EIF2B4: variants seen among roughly 807,000 people sequenced by gnomAD.
EIF2B4 encodes translation initiation factor eIF2B subunit delta.
EIF2B4 carries 34 observed loss-of-function variants against 66.7 expected under a neutral mutation model. The observed-to-expected ratio is 0.51, with a 90% confidence interval of 0.39 to 0.68. EIF2B4 has a LOEUF of 0.68. Ranked by LOEUF, EIF2B4 falls within the 30% of genes least tolerant of loss-of-function variation. The probability of loss-of-function intolerance (pLI) is 0.00; values close to 1 mark genes in which losing one functional copy is unlikely to be tolerated. For missense variants in EIF2B4, 618 were observed against 657.9 expected, an observed-to-expected ratio of 0.94 and a Z score of 0.66; for synonymous variants, 278 against 253.6, an observed-to-expected ratio of 1.10 and a Z score of -0.92.
chr2:27,364,399 G>T lies in EIF2B4; in HGVS notation c.*1C>A. ...CATTTATTAACCCTGTGTTTCCCCC[G>T]TCACTGGTCACTGCTCTTGACTCGT... On this transcript the variant is annotated 3_prime_UTR_variant, in exon 13 of 13. Coordinates refer to ENST00000347454, the MANE Select transcript of EIF2B4 (RefSeq NM_001034116.2). The T allele has an allele frequency of 6.2e-7, 1 of 1,613,836 alleles. No individual in the cohort carries two copies. The highest frequency in any genetic ancestry group is 1.7e-4 in the Middle Eastern group (1 of 6,058).
Position 27,369,138 on chromosome 2 carries a change from T to A in EIF2B4, c.286A>T (p.Ser96Cys). The A allele has an allele frequency of 6.2e-7, 1 of 1,613,778 alleles. No individual in the cohort carries two copies. The highest frequency in any genetic ancestry group is 2.2e-5 in the East Asian group (1 of 44,872). ...CGCTCAGCCCGAAGTTCGGCCTTAC[T>A]CCGACCAGCTGGAACTTTCTCCCGA... ...TPREKVPAGR[S>C]KAELRAERRA... Residue 96 changes from serine to cysteine, a missense_variant, in exon 4 of 13, where the codon AGT becomes TGT. Ser to Cys is a moderately radical substitution (Grantham distance 112). Coordinates refer to ENST00000347454, the MANE Select transcript of EIF2B4 (RefSeq NM_001034116.2).
chr2:27,368,588 C>T (rs751135430), intron 5 of EIF2B4, 66 bp downstream of exon 5: 10 of 1,598,716 alleles, frequency 6.3e-6, no homozygotes, highest in South Asian at 1.1e-5. Flanking sequence ...TTGCACCCAG[C>T]ACCTTTCCTC....
chr2:27,365,346 G>A (rs1016622431), intron 11 of EIF2B4, among the ~76,000 whole-genome samples: 2 of 149,134 alleles, frequency 1.3e-5, no homozygotes, highest in Admixed American at 6.8e-5. Flanking sequence ...GATAACAGGC[G>A]TGAGCCACTG....
chr2:27,370,134 G>A, intron 1 of EIF2B4, 150 bp downstream of exon 1: 1 of 1,527,008 alleles, frequency 6.5e-7, no homozygotes, highest in East Asian at 2.5e-5. Flanking sequence ...CCGGTGCGCG[G>A]CGCGGGACTG....
chr2:27,366,955 AG>A lies in EIF2B4; in HGVS notation c.1014-20del, dbSNP rs766010614. ...AGATGAGCTAGAGTGAATGAAGAGG[AG>A]GATTCAGTTATAAATGTCAGTAACT... On this transcript the variant is annotated intron_variant, in intron 10 of 12. Transcript: ENST00000347454. 85 of 1,614,192 alleles carry A rather than the reference AG, an allele frequency of 5.3e-5. No homozygotes were observed. The African/African-American group carries it at 1.1e-3, about 20-fold the overall frequency.
chr2:27,370,134 G>T, intron 1 of EIF2B4, 150 bp downstream of exon 1: 2 of 1,527,008 alleles, frequency 1.3e-6, no homozygotes, highest in Non-Finnish European at 1.8e-6. Flanking sequence ...CCGGTGCGCG[G>T]CGCGGGACTG....
At position 27,366,837 on chromosome 2, in the gene EIF2B4, G is replaced by C; in HGVS notation, c.1113C>G (p.His371Gln). ...CAGCATGGACTAGAGAACGTAGTGT[G>C]TGCCTTCCTTCCAGCCATGGCCGGC... ...VDSRPWLEGR[H>Q]TLRSLVHAGV... The change falls in exon 11 of 13, where the codon CAC (histidine) becomes CAG (glutamine). Residue 371 changes from histidine (H) to glutamine (Q), a missense_variant. By Grantham distance (24) the His-to-Gln change is conservative. Around this residue, in one of 4 missense-constraint regions of EIF2B4, gnomAD observed 506 missense variants for 511.9 expected, o/e 0.99. Transcript: ENST00000347454. 6.2e-7 allele frequency: 1 copy of C among 1,614,228 alleles called. No individual in the cohort carries two copies. The highest frequency in any genetic ancestry group is 8.5e-7 in the Non-Finnish European group (1 of 1,180,032).
intron 8 of EIF2B4, 89 bp from the exon 9 acceptor site, chr2:27,367,648 A>G: frequency 6.3e-7 from 1 of 1,593,402 alleles, no homozygotes; most frequent in Non-Finnish European, 8.6e-7. Flanking sequence ...TTAAAAAGAA[A>G]ATAGAACACA....
chr2:27,369,682 G>C (rs2148381815), intron 2 of EIF2B4, 133 bp from the exon 3 acceptor site: 1 of 1,530,656 alleles, frequency 6.5e-7, no homozygotes, highest in South Asian at 1.1e-5. Flanking sequence ...CCTGTTGCAA[G>C]CTTACATCCA....
At chr2:27,367,662 TGAAAA>T (rs1488247594) in intron 8 of EIF2B4, 79 bp downstream of exon 8, 4 of 1,587,616 alleles carry the variant, frequency 2.5e-6, no homozygotes, top group Admixed American at 1.7e-5. Flanking sequence ...GAACACAAAA[TGAAAA>T]GAGAGATAGA....
In EIF2B4 at chr2:27,369,037, G is replaced by A; in HGVS notation, c.387C>T (p.Ala129=). ...KGEQGGPPPK[A]SPSTAGETPS... ...GGGTTTCTCCAGCTGTGCTGGGGCTGGCCTTAGGAGGTGGTCCTCCTTGTT... is the reference window on the plus strand; with the variant it reads ...GGGTTTCTCCAGCTGTGCTGGGGCTAGCCTTAGGAGGTGGTCCTCCTTGTT... The change falls in exon 4 of 13, where the codon GCC becomes GCT. Residue 129 remains alanine, a synonymous_variant. Coordinates refer to ENST00000347454, the MANE Select transcript of EIF2B4 (RefSeq NM_001034116.2). The A allele has an allele frequency of 6.2e-7, 1 of 1,614,144 alleles. No individual in the cohort carries two copies. Among genetic ancestry groups the A allele is most frequent in the Non-Finnish European group, 8.5e-7 (1 of 1,180,020 alleles).
At position 27,369,880 on chromosome 2, in the gene EIF2B4, G is replaced by A; in HGVS notation, c.71C>T (p.Pro24Leu). 2.5e-6 allele frequency: 4 copies of A among 1,582,050 alleles called. No individual in the cohort carries two copies. The highest frequency in any genetic ancestry group is 2.6e-6 in the Non-Finnish European group (3 of 1,164,378). ...TGGGAGGGAAGCCTCACTTACCCCAGGCCCAGGGGGAAGCTCCGCCTTCAT... is the reference window on the plus strand; with the variant it reads ...TGGGAGGGAAGCCTCACTTACCCCAAGCCCAGGGGGAAGCTCCGCCTTCAT... ...SGMKAELPPGPGAVGREMTKE... is the reference protein window; with the variant it reads ...SGMKAELPPGLGAVGREMTKE... Residue 24 changes from proline (P) to leucine (L), a missense_variant, in exon 2 of 13, where the codon CCT becomes CTT. Around this residue, in one of 4 missense-constraint regions of EIF2B4, gnomAD observed 506 missense variants for 511.9 expected, o/e 0.99. Coordinates refer to ENST00000347454, the MANE Select transcript of EIF2B4 (RefSeq NM_001034116.2).
chr2:27,368,197 C>T, intron 6 of EIF2B4, 58 bp from the exon 7 acceptor site: 1 of 1,432,618 alleles, frequency 7.0e-7, no homozygotes, highest in South Asian at 1.2e-5. Context: ...TACTGCCCAC[C>T]TGCCCCTGAT....
chr2:27,369,420 A>T lies in EIF2B4; in HGVS notation c.205T>A (p.Cys69Ser). Residue 69 changes from cysteine to serine, a missense_variant, in exon 3 of 13, where the codon TGT becomes AGT. Around this residue, in one of 4 missense-constraint regions of EIF2B4, gnomAD observed 506 missense variants for 511.9 expected, o/e 0.99. Coordinates refer to ENST00000347454, the MANE Select transcript of EIF2B4 (RefSeq NM_001034116.2). ...AAAGAGACCCCTCACTCACCTTGAC[A>T]TTGGGCTGCAGATACAGCAGAGCCA... The part of the protein sequence containing the change: ...ETGSAVSAAQ[C>S]QVGPTRELPE... 6.2e-7 allele frequency: 1 copy of T among 1,613,952 alleles called. No individual in the cohort carries two copies. Among genetic ancestry groups the T allele is most frequent in the Non-Finnish European group, 8.5e-7 (1 of 1,179,986 alleles).
At position 27,367,537 on chromosome 2, in the gene EIF2B4, G is replaced by A; in HGVS notation, c.805C>T (p.Leu269=). 1 of 1,614,046 alleles carries A rather than the reference G, an allele frequency of 6.2e-7. No homozygotes were observed. Among genetic ancestry groups the A allele is most frequent in the East Asian group, 2.2e-5 (1 of 44,884 alleles). The part of the protein sequence containing the change: ...YMSFLTQCRP[L]SASMHNAIKF... ...ATGGCGTTGTGCATGCTCGCTGACA[G>A]GGGACGGCACTGAGTCAGGAAGCTA... is the stretch of plus-strand genomic sequence containing the variant. Residue 269 remains leucine, a synonymous_variant, in exon 9 of 13, where the codon CTG becomes TTG. Coordinates refer to ENST00000347454, the MANE Select transcript of EIF2B4 (RefSeq NM_001034116.2).
Position 27,364,573 on chromosome 2 carries a change from G to A in EIF2B4, c.1399C>T (p.Arg467Trp), listed in dbSNP as rs138249238. Residue 467 changes from arginine to tryptophan, a missense_variant, in exon 13 of 13, where the codon CGG (arginine) becomes TGG (tryptophan). Physicochemically the swap from Arg to Trp is moderately radical, Grantham distance 101. This residue lies in a region of EIF2B4 where 63 missense variants were observed against 47.5 expected (regional missense o/e 1.33). Coordinates refer to ENST00000347454, the MANE Select transcript of EIF2B4 (RefSeq NM_001034116.2). Reference sequence around the variant, plus strand: ...TTAGCCAGCGCAACATGTTCTCCCCGCTTACATTGCAGATCATCAGGGTCA... The same window carrying A: ...TTAGCCAGCGCAACATGTTCTCCCCACTTACATTGCAGATCATCAGGGTCA... ...LDDPDDLQCK[R>W]GEHVALANWQ... 3.2e-5 allele frequency: 52 copies of A among 1,614,028 alleles called. No homozygotes were observed. The highest frequency in any genetic ancestry group is 3.1e-5 in the Non-Finnish European group (37 of 1,180,040).
chr2:27,364,570 C>T lies in EIF2B4; in HGVS notation c.1402G>A (p.Gly468Arg), dbSNP rs1681700760. 3 of 1,614,188 alleles carry T rather than the reference C, an allele frequency of 1.9e-6. No homozygotes were observed. Among genetic ancestry groups the T allele is most frequent in the South Asian group, 1.1e-5 (1 of 91,084 alleles). Residue 468 changes from glycine to arginine, a missense_variant, in exon 13 of 13, where the codon GGA (glycine) becomes AGA (arginine). Gly to Arg is a moderately radical substitution (Grantham distance 125). Around this residue, in one of 4 missense-constraint regions of EIF2B4, gnomAD observed 63 missense variants for 47.5 expected, o/e 1.33. Coordinates refer to ENST00000347454, the MANE Select transcript of EIF2B4 (RefSeq NM_001034116.2). Reference protein sequence around the residue: ...DDPDDLQCKRGEHVALANWQN... With the variant: ...DDPDDLQCKRREHVALANWQN... ...CAGTTAGCCAGCGCAACATGTTCTCCCCGCTTACATTGCAGATCATCAGGG... is the reference window on the plus strand; with the variant it reads ...CAGTTAGCCAGCGCAACATGTTCTCTCCGCTTACATTGCAGATCATCAGGG...
chr2:27,370,072 C>A (rs1218021780), intron 1 of EIF2B4, 153 bp from the exon 2 acceptor site: 5 of 1,503,856 alleles, frequency 3.3e-6, no homozygotes, highest in African/African-American at 1.4e-5. Flanking sequence ...GGACGCACTG[C>A]GCGGCGGATC....
chr2:27,366,094 C>CTG (rs59639860), intron 11 of EIF2B4: 1,615 of 110,918 alleles, frequency 0.015, 49 homozygotes, highest in East Asian at 0.019. Flanking sequence ...TCCTAAGTAG[C>CTG]TGTGTGTGTG....
Sources: allele counts gnomAD v4.1 joint callset (sites outside exome capture counted in the v4.1 genomes callset), GRCh38; gene constraint gnomAD v4.1.1; regional missense constraint gnomAD v4.1.1; transcripts MANE v1.5; gene names NCBI Gene and HGNC (gene_info 2026-07-23, HGNC 2026-07-21).